DRC9: variants seen among roughly 807,000 people sequenced by gnomAD.
DRC9 encodes dynein regulatory complex protein 9.
the DRC9 span, among the ~76,000 whole-genome samples, chr3:197,946,919 T>C: frequency 6.6e-6 from 1 of 152,104 alleles, no homozygotes; most frequent in Non-Finnish European, 1.5e-5. Flanking sequence ...GCCTCCCAGG[T>C]TCAAGTGATT....
chr3:197,946,180 A>G, the DRC9 span, among the ~76,000 whole-genome samples: 30 of 152,292 alleles, frequency 2.0e-4, no homozygotes, highest in African/African-American at 7.2e-4. Flanking sequence ...TCACGCCTGT[A>G]ATCCCAGCAC....
the DRC9 span, among the ~76,000 whole-genome samples, chr3:197,931,375 C>G: frequency 0.02 from 3,033 of 151,590 alleles, 111 homozygotes; most frequent in African/African-American, 0.07. Flanking sequence ...CCAGCTACTT[C>G]GGAGGCTGAG....
At chr3:197,913,754 T>C in the DRC9 span, 4 of 979,466 alleles carry the variant, frequency 4.1e-6, no homozygotes, top group East Asian at 2.4e-5. Flanking sequence ...CAACCTCAAG[T>C]GGAGGGGCTG....
At chr3:197,910,977 C>CAAAA in the DRC9 span, among the ~76,000 whole-genome samples, 1 of 55,560 alleles carries the variant, frequency 1.8e-5, no homozygotes, top group African/African-American at 7.8e-5. Flanking sequence ...ATCTCAAAAA[C>CAAAA]AAAACAAAAA....
At chr3:197,954,837 T>C in the DRC9 span, among the ~76,000 whole-genome samples, 62 of 152,280 alleles carry the variant, frequency 4.1e-4, no homozygotes, top group African/African-American at 1.4e-3. Context: ...GTGAAGATAT[T>C]TATTGGGCAC....
chr3:197,957,357 T>C, the DRC9 span: 1 of 152,324 alleles, frequency 6.6e-6, no homozygotes, highest in Non-Finnish European at 1.5e-5. Flanking sequence ...GTCAGTCCAA[T>C]GGTGGTATGC....
chr3:197,914,049 T>C, the DRC9 span: 13 of 1,612,960 alleles, frequency 8.1e-6, no homozygotes, highest in Non-Finnish European at 5.9e-6. Flanking sequence ...GACTCTGTAG[T>C]GGAAAGACCA....
chr3:197,931,912 A>G, the DRC9 span, among the ~76,000 whole-genome samples: 690 of 152,254 alleles, frequency 4.5e-3, 2 homozygotes, highest in Non-Finnish European at 7.9e-3. Flanking sequence ...AGCGTGAGCC[A>G]CCGCGCCCGG....
chr3:197,940,221 C>T, the DRC9 span, among the ~76,000 whole-genome samples: 1 of 151,714 alleles, frequency 6.6e-6, no homozygotes, highest in Non-Finnish European at 1.5e-5. Context: ...GTCTCAAACT[C>T]CTGACCTCAG....
At chr3:197,943,936 CT>C in the DRC9 span, 4 of 1,614,158 alleles carry the variant, frequency 2.5e-6, no homozygotes, top group Non-Finnish European at 3.4e-6. Flanking sequence ...ATTTCTATGT[CT>C]GTTTCTTTAG....
chr3:197,931,550 G>A, the DRC9 span, among the ~76,000 whole-genome samples: 3 of 151,976 alleles, frequency 2.0e-5, no homozygotes, highest in African/African-American at 7.3e-5. Context: ...AAAGGTTCTG[G>A]AAAAGAAAAA....
the DRC9 span, among the ~76,000 whole-genome samples, chr3:197,900,600 C>A: frequency 6.9e-6 from 1 of 144,504 alleles, no homozygotes; most frequent in African/African-American, 2.8e-5. The surrounding 1 kb of genome is among the most constrained non-coding windows in gnomAD (Gnocchi z 4.7). Flanking sequence ...CACAGCAGAA[C>A]AGGGCACTCG....
chr3:197,949,340 A>C, the DRC9 span: 1 of 152,212 alleles, frequency 6.6e-6, no homozygotes, highest in Non-Finnish European at 1.5e-5. Flanking sequence ...GCGTCCACTA[A>C]TCCACCTCTA....
At chr3:197,914,399 G>A in the DRC9 span, among the ~76,000 whole-genome samples, 5 of 152,268 alleles carry the variant, frequency 3.3e-5, no homozygotes, top group South Asian at 1.0e-3. Flanking sequence ...ACTTGGCCAA[G>A]TCAAATCTCC....
At chr3:197,955,344 C>T in the DRC9 span, among the ~76,000 whole-genome samples, 3 of 150,108 alleles carry the variant, frequency 2.0e-5, no homozygotes, top group African/African-American at 7.3e-5. Flanking sequence ...TCTTGCCTCA[C>T]TGCAAGCTCC....
At chr3:197,935,420 C>G in the DRC9 span, among the ~76,000 whole-genome samples, 1 of 144,272 alleles carries the variant, frequency 6.9e-6, no homozygotes. Context: ...GTATGGGCGA[C>G]AGAACGAGAC....
chr3:197,950,498 G>A, the DRC9 span: 13 of 341,214 alleles, frequency 3.8e-5, no homozygotes, highest in Non-Finnish European at 5.9e-5. Flanking sequence ...CCATGAGGCA[G>A]TGCTTCCTTC....
At chr3:197,950,053 G>A in the DRC9 span, 18 of 1,000,034 alleles carry the variant, frequency 1.8e-5, no homozygotes, top group African/African-American at 2.8e-4. Context: ...AATTGTAAGA[G>A]TGCTATTGAA....
chr3:197,941,493 CCCTCCCTT>C, the DRC9 span, among the ~76,000 whole-genome samples: 1 of 72,024 alleles, frequency 1.4e-5, no homozygotes, highest in African/African-American at 6.3e-5. Flanking sequence ...TCCCCTCCCT[CCCTCCCTT>C]CCTCCCTTCC....
Sources: gnomAD v4.1 joint callset for allele counts (sites outside exome capture counted in the v4.1 genomes callset) on GRCh38, gnomAD v4.1.1 for gene constraint, Gnocchi (gnomAD v3.1) non-coding constraint, MANE v1.5 for transcripts, NCBI Gene and HGNC (gene_info 2026-07-23, HGNC 2026-07-21) for gene names.